SCHIP1: variants seen among roughly 807,000 people sequenced by gnomAD.
SCHIP1 encodes the protein schwannomin interacting protein 1.
SCHIP1 carries 8 observed loss-of-function variants against 29.7 expected under a neutral mutation model. The observed-to-expected ratio is 0.27, with a 90% CI of 0.16 to 0.49. SCHIP1 has a LOEUF of 0.49. Ranked by LOEUF, SCHIP1 falls within the 20% of genes least tolerant of loss-of-function variation. The pLI, the probability that SCHIP1 is intolerant of heterozygous loss-of-function variation, is 0.99. For synonymous variants in SCHIP1, 76 were observed against 94.9 expected, an observed-to-expected ratio of 0.80 and a Z score of 1.16; for missense variants, 193 against 294.6, an observed-to-expected ratio of 0.66 and a Z score of 2.52.
chr3:159,467,672 GA>G, the SCHIP1 span, among the ~76,000 whole-genome samples: 1 of 152,142 alleles, frequency 6.6e-6, no homozygotes, highest in Admixed American at 6.6e-5. Context: ...AAAAAAGAGA[GA>G]AAAAATGATC....
chr3:159,398,939 G>A, the SCHIP1 span: 1 of 983,060 alleles, frequency 1.0e-6, no homozygotes, highest in Admixed American at 6.1e-5. Flanking sequence ...ATTTGTAGAG[G>A]ATTATTCAAA....
chr3:159,617,360 C>T, the SCHIP1 span, among the ~76,000 whole-genome samples: 1 of 152,132 alleles, frequency 6.6e-6, no homozygotes, highest in African/African-American at 2.4e-5. Flanking sequence ...TGCAAGCAAC[C>T]AGAAGGAGCT....
At chr3:159,851,750 G>C (rs577101605) in intron 1 of SCHIP1, among the ~76,000 whole-genome samples, 1 of 152,300 alleles carries the variant, frequency 6.6e-6, no homozygotes, top group African/African-American at 2.4e-5. Context: ...GGCCAGCATT[G>C]CCACAGCCCC....
chr3:159,763,817 G>C, the SCHIP1 span: 2 of 152,284 alleles, frequency 1.3e-5, no homozygotes, highest in Non-Finnish European at 2.9e-5. Context: ...CCTTCCGGCG[G>C]GTGGGAGGAG....
the SCHIP1 span, among the ~76,000 whole-genome samples, chr3:159,382,451 G>A: frequency 6.6e-5 from 10 of 151,404 alleles, no homozygotes; most frequent in Admixed American, 6.6e-4. Flanking sequence ...CATTTTTTAT[G>A]GCTGCATAGT....
the SCHIP1 span, among the ~76,000 whole-genome samples, chr3:159,427,153 C>G: frequency 6.6e-6 from 1 of 151,968 alleles, no homozygotes; most frequent in African/African-American, 2.4e-5. Context: ...GACAGGATGC[C>G]CTCTCTCACC....
the SCHIP1 span, among the ~76,000 whole-genome samples, chr3:159,280,364 C>T: frequency 6.6e-6 from 1 of 152,136 alleles, no homozygotes; most frequent in South Asian, 2.1e-4. Flanking sequence ...TTCTCTGGCC[C>T]TTTTTGATGC....
the SCHIP1 span, among the ~76,000 whole-genome samples, chr3:159,693,207 G>C: frequency 5.9e-5 from 9 of 152,182 alleles, no homozygotes; most frequent in South Asian, 1.9e-3. Context: ...ATTCAAAAAT[G>C]ACTCAGCATT....
the SCHIP1 span, among the ~76,000 whole-genome samples, chr3:159,441,956 C>T: frequency 6.6e-6 from 1 of 151,968 alleles, no homozygotes; most frequent in South Asian, 2.1e-4. Flanking sequence ...CTCAGCTTCC[C>T]GAGCAGCTGG....
the SCHIP1 span, among the ~76,000 whole-genome samples, chr3:159,715,532 A>G: frequency 6.6e-6 from 1 of 152,242 alleles, no homozygotes; most frequent in East Asian, 1.9e-4. Context: ...GCTAACTAGA[A>G]TAAACAGCGT....
intron 2 of SCHIP1, among the ~76,000 whole-genome samples, chr3:159,878,822 AAAAAAT>A (rs1560093973): frequency 6.7e-6 from 1 of 149,932 alleles, no homozygotes; most frequent in African/African-American, 2.4e-5. Flanking sequence ...AATAAAAAAT[AAAAAAT>A]AAATAAAAAT....
At chr3:159,626,089 T>TATAGATAG in the SCHIP1 span, among the ~76,000 whole-genome samples, 953 of 98,096 alleles carry the variant, frequency 9.7e-3, 16 homozygotes, top group Non-Finnish European at 0.01. Flanking sequence ...GTGCAGCTTA[T>TATAGATAG]ATAGATAGAT....
At chr3:159,510,229 C>T in the SCHIP1 span, among the ~76,000 whole-genome samples, 1 of 151,924 alleles carries the variant, frequency 6.6e-6, no homozygotes, top group Non-Finnish European at 1.5e-5. Flanking sequence ...GATCTTCCTT[C>T]ACTGATACCC....
the SCHIP1 span, among the ~76,000 whole-genome samples, chr3:159,565,895 CT>C: frequency 6.6e-6 from 1 of 152,188 alleles, no homozygotes; most frequent in African/African-American, 2.4e-5. Flanking sequence ...CATCTTACTA[CT>C]TAAATTCTCA....
chr3:159,827,305 T>C, the SCHIP1 span, among the ~76,000 whole-genome samples: 1 of 152,180 alleles, frequency 6.6e-6, no homozygotes, highest in African/African-American at 2.4e-5. Context: ...TCATTATAAC[T>C]AATAGCAATA....
At chr3:159,806,246 T>C in the SCHIP1 span, among the ~76,000 whole-genome samples, 2 of 152,314 alleles carry the variant, frequency 1.3e-5, no homozygotes, top group East Asian at 3.9e-4. Flanking sequence ...CACTATCTGG[T>C]CAGTAGAGAA....
the SCHIP1 span, among the ~76,000 whole-genome samples, chr3:159,539,495 C>T: frequency 3.5e-4 from 47 of 135,864 alleles, 7 homozygotes; most frequent in Admixed American, 8.1e-4. Flanking sequence ...AGCAAGGAAC[C>T]GCTGGATGTT....
At chr3:159,659,779 A>G in the SCHIP1 span, among the ~76,000 whole-genome samples, 1 of 152,202 alleles carries the variant, frequency 6.6e-6, no homozygotes, top group East Asian at 1.9e-4. Flanking sequence ...CATATTAATG[A>G]TTTCAAATGT....
At chr3:159,492,655 G>C in the SCHIP1 span, among the ~76,000 whole-genome samples, 1 of 152,302 alleles carries the variant, frequency 6.6e-6, no homozygotes, top group East Asian at 1.9e-4. Flanking sequence ...GGGGAGAATG[G>C]AACCAAGTTG....
Sources: allele counts gnomAD v4.1 joint callset (sites outside exome capture counted in the v4.1 genomes callset), GRCh38; gene constraint gnomAD v4.1.1; transcripts MANE v1.5; gene names NCBI Gene and HGNC (gene_info 2026-07-23, HGNC 2026-07-21).